FRYL: variants seen among roughly 807,000 people sequenced by gnomAD.
The protein encoded by FRYL is FRY like transcription coactivator.
FRYL carries 150 observed loss-of-function variants against 351.2 expected under a neutral mutation model. That is an observed-to-expected ratio of 0.43 (90% CI 0.37 to 0.49). The LOEUF (loss-of-function observed/expected upper bound fraction) is 0.49. Among genes scored for constraint, FRYL ranks in the 20% least tolerant of loss-of-function variants. The pLI is 0.00. For missense variants in FRYL, 3,036 were observed against 3,619.3 expected (o/e 0.84, Z 4.13); for synonymous variants, 1,153 against 1,257.1 (o/e 0.92, Z 1.75).
At chr4:48,613,090 T>C (rs1479514258) in intron 7 of FRYL, among the ~76,000 whole-genome samples, 3 of 152,264 alleles carry the variant, frequency 2.0e-5, no homozygotes, top group Non-Finnish European at 4.4e-5. Flanking sequence ...CATAATGAAC[T>C]ATCTTGGGGA....
intron 54 of FRYL, among the ~76,000 whole-genome samples, chr4:48,521,775 A>G (rs1577922832): frequency 6.6e-6 from 1 of 152,342 alleles, no homozygotes; most frequent in South Asian, 2.1e-4. Context: ...CATTAGCAGC[A>G]GCGGTTGGTC....
chr4:48,540,793 C>T lies in FRYL; in HGVS notation c.5855G>A (p.Gly1952Asp), dbSNP rs1452758795. 6.2e-7 allele frequency: 1 copy of T among 1,614,018 alleles called. No individual in the cohort carries two copies. The highest frequency in any genetic ancestry group is 8.5e-7 in the Non-Finnish European group (1 of 1,179,944). The change falls in exon 46 of 64, where the codon GGT becomes GAT. Residue 1952 changes from glycine to aspartate, a missense_variant. Physicochemically the swap from Gly to Asp is moderately conservative, Grantham distance 94. Coordinates refer to ENST00000358350, the MANE Select transcript of FRYL (RefSeq NM_015030.2). ...CAGTGTGTTACTCCGCCGCCGGTCACCTCGTCGGTCACCAATCAAACTTAA... is the reference window on the plus strand; with the variant it reads ...CAGTGTGTTACTCCGCCGCCGGTCATCTCGTCGGTCACCAATCAAACTTAA... ...LRLSLIGDRR[G>D]DRRRSNTLDI... is the part of the protein sequence containing the mutation.
intron 19 of FRYL, 75 bp from the exon 20 acceptor site, chr4:48,582,809 G>A: frequency 1.0e-6 from 1 of 956,228 alleles, no homozygotes; most frequent in Non-Finnish European, 1.6e-6. Context: ...TTAAAACTAT[G>A]ACCTTAAAAT....
intron 42 of FRYL, 97 bp from the exon 43 acceptor site, chr4:48,545,001 G>T (rs1194681975): frequency 1.3e-5 from 16 of 1,263,922 alleles, no homozygotes; most frequent in Non-Finnish European, 1.6e-5. Flanking sequence ...AATTAGAAAG[G>T]ATGGTAGTTG....
chr4:48,746,379 A>C (rs920359240), intron 1 of FRYL, among the ~76,000 whole-genome samples: 1 of 151,852 alleles, frequency 6.6e-6, no homozygotes, highest in Non-Finnish European at 1.5e-5. Context: ...ATCCTGGCTA[A>C]CTAAAAATAC....
chr4:48,684,979 C>T (rs1765007456), intron 2 of FRYL, among the ~76,000 whole-genome samples, 184 bp from the exon 3 acceptor site: 1 of 152,138 alleles, frequency 6.6e-6, no homozygotes, highest in Admixed American at 6.6e-5. Flanking sequence ...AAATTTCAAA[C>T]TAATCCAAAA....
At chr4:48,701,436 T>C (rs1766704684) in intron 2 of FRYL, among the ~76,000 whole-genome samples, 1 of 152,122 alleles carries the variant, frequency 6.6e-6, no homozygotes, top group African/African-American at 2.4e-5. Flanking sequence ...CAAAATCACT[T>C]AACCTCATTT....
chr4:48,580,549 C>T (rs536422168), intron 22 of FRYL: 14 of 293,842 alleles, frequency 4.8e-5, no homozygotes, highest in East Asian at 1.1e-4. Flanking sequence ...TTCTATCTCA[C>T]GAATATTATA....
chr4:48,540,701 T>C lies in FRYL; in HGVS notation c.5947A>G (p.Arg1983Gly), dbSNP rs756816421. 1.2e-6 allele frequency: 2 copies of C among 1,614,034 alleles called. No homozygotes were observed. The highest frequency in any genetic ancestry group is 3.3e-5 in the Admixed American group (2 of 59,996). ...TGCACGTCATACATTCCTTTCTCTC[T>C]TAGAGAGGAAAGGCTTCTAGTCCTT... ...LARTRSLSSL[R>G]EKGMYDVQST... is the part of the protein sequence containing the mutation. The change falls in exon 46 of 64, where the codon AGA becomes GGA. Residue 1983 changes from arginine (R) to glycine (G), a missense_variant. Around this residue, in one of 7 missense-constraint regions of FRYL, gnomAD observed 1,987 missense variants for 2,311.7 expected, o/e 0.86. Transcript: ENST00000358350.
At chr4:48,767,107 G>A (rs1775039708) in intron 1 of FRYL, among the ~76,000 whole-genome samples, 1 of 151,414 alleles carries the variant, frequency 6.6e-6, no homozygotes, top group African/African-American at 2.4e-5. Flanking sequence ...CTGAGACTGG[G>A]TAAGTTATAG....
At chr4:48,615,545 T>G (rs1287531547) in intron 7 of FRYL, among the ~76,000 whole-genome samples, 1 of 152,250 alleles carries the variant, frequency 6.6e-6, no homozygotes, top group Non-Finnish European at 1.5e-5. Context: ...TGTTTAAACA[T>G]GCTTTTATCA....
rs556240721 is a variant in FRYL at position 48,692,495 on chromosome 4, T to TGATCCTCC, written c.-203-7701_-203-7700insGGAGGATC. On this transcript the variant is annotated intron_variant, in intron 2 of 63. Transcript: ENST00000358350. ...GCAACCTCCACCTCCCAAGTTCAAGTGATTCTCCTGCCTCAGCCTCCTGAG... is the reference window on the plus strand; with the variant it reads ...GCAACCTCCACCTCCCAAGTTCAAGTGATCCTCCGATTCTCCTGCCTCAGCCTCCTGAG... 4.9e-3 allele frequency among the ~76,000 whole-genome samples: 749 copies of TGATCCTCC among 152,088 alleles called. 6 individuals are homozygous for TGATCCTCC. Among genetic ancestry groups the TGATCCTCC allele is most frequent in the South Asian group, 0.011 (52 of 4,814 alleles).
chr4:48,634,846 G>C lies in FRYL; in HGVS notation c.-80-356C>G, dbSNP rs79840335. On this transcript the variant is annotated intron_variant, in intron 3 of 63. Coordinates refer to ENST00000358350, the MANE Select transcript of FRYL (RefSeq NM_015030.2). ...TGAATGAATGAATGGATTCTAATCAGATAGTCAAATGCAATAAAGGAAATA... is the reference window on the plus strand; with the variant it reads ...TGAATGAATGAATGGATTCTAATCACATAGTCAAATGCAATAAAGGAAATA... Among the ~76,000 whole-genome samples the C allele has an allele frequency of 6.1e-3, 936 of 152,252 alleles. 12 individuals carry two copies. Among genetic ancestry groups the C allele is most frequent in the African/African-American group, 0.021 (878 of 41,542 alleles).
rs1394791519 is a variant in FRYL, at chr4:48,726,084, G to T, written c.-383-15386C>A. On this transcript the variant is annotated intron_variant, in intron 1 of 63. Transcript: ENST00000358350. ...TGACCTTGAAATTCTTAACAAAGAT[G>T]TGAAAGGCAAAACTACTTGCTTTTC... Among the ~76,000 whole-genome samples, 3 of 152,290 alleles carry T rather than the reference G, an allele frequency of 2.0e-5. No individual in the cohort carries two copies. In the East Asian group the frequency reaches 5.8e-4, roughly 29 times the overall value.
intron 1 of FRYL, among the ~76,000 whole-genome samples, chr4:48,759,096 G>A (rs1481160051): frequency 6.6e-6 from 1 of 152,138 alleles, no homozygotes; most frequent in Non-Finnish European, 1.5e-5. Context: ...TTGGGGGAAG[G>A]GGGGAGAATA....
At chr4:48,581,659 C>A in intron 20 of FRYL, 54 bp from the exon 21 acceptor site, 3 of 1,413,888 alleles carry the variant, frequency 2.1e-6, no homozygotes, top group South Asian at 2.8e-5. Flanking sequence ...CAGACATTTC[C>A]GAAAAACAGT....
intron 3 of FRYL, among the ~76,000 whole-genome samples, chr4:48,640,014 C>T (rs1469804856): frequency 3.3e-5 from 5 of 152,082 alleles, no homozygotes; most frequent in African/African-American, 4.8e-5. Context: ...ACAGCAAATG[C>T]GGGTGAGGAC....
At chr4:48,686,883 A>C (rs556774516) in intron 2 of FRYL, among the ~76,000 whole-genome samples, 2 of 152,370 alleles carry the variant, frequency 1.3e-5, no homozygotes, top group Admixed American at 6.5e-5. Flanking sequence ...CTTCTTCAGC[A>C]GACACACAAC....
At chr4:48,611,873 G>A (rs897336764) in intron 7 of FRYL, among the ~76,000 whole-genome samples, 1 of 152,038 alleles carries the variant, frequency 6.6e-6, no homozygotes, top group African/African-American at 2.4e-5. Flanking sequence ...TACTTGATGG[G>A]AAAAAGATTA....
Sources: gnomAD v4.1 joint callset for allele counts (sites outside exome capture counted in the v4.1 genomes callset) on GRCh38, gnomAD v4.1.1 for gene constraint, gnomAD v4.1.1 regional missense constraint, MANE v1.5 for transcripts, NCBI Gene and HGNC (gene_info 2026-07-23, HGNC 2026-07-21) for gene names.